Variants in DNAJC11 observed in about 807,000 individuals in gnomAD.
DNAJC11 encodes the protein DnaJ heat shock protein family (Hsp40) member C11, also known as dnaJ homolog subfamily C member 11.
In DNAJC11, 15 loss-of-function variants were observed where a neutral mutation model predicts 78.6. That is an observed-to-expected ratio of 0.19 (90% CI 0.13 to 0.29). DNAJC11 has a LOEUF of 0.29. Ranked by LOEUF, DNAJC11 falls within the 10% of genes least tolerant of loss-of-function variation. The pLI is 1.00. For synonymous variants in DNAJC11, 292 were observed against 272.1 expected (o/e 1.07, Z -0.72); for missense variants, 547 against 709.6 (o/e 0.77, Z 2.60).
intron 1 of DNAJC11, among the ~76,000 whole-genome samples, chr1:6,684,130 G>A (rs1209802972): frequency 6.6e-6 from 1 of 151,270 alleles, no homozygotes; most frequent in African/African-American, 2.4e-5. Flanking sequence ...ACCCAGGCTG[G>A]AGTGCAGTGC....
intron 3 of DNAJC11, among the ~76,000 whole-genome samples, chr1:6,668,793 A>G (rs1288053671): frequency 2.6e-5 from 4 of 152,116 alleles, no homozygotes; most frequent in Non-Finnish European, 5.9e-5. Context: ...TGAACCTTAG[A>G]ATGTGGGCTG....
rs1230558183 is a variant in DNAJC11 at position 6,638,316 on chromosome 1, C to T, written c.1302G>A (p.Lys434=). 3.1e-6 allele frequency: 5 copies of T among 1,613,466 alleles called. No homozygotes were observed. Among genetic ancestry groups the T allele is most frequent in the Non-Finnish European group, 4.2e-6 (5 of 1,179,592 alleles). The part of the protein sequence containing the change: ...RESAATDVLQ[K]KQEAESAVRL... ...TCACAGCGGACTCCGCCTCTTGCTTCTTCTGCAGCACATCGGTGGCGGCGC... is the reference window on the plus strand; with the variant it reads ...TCACAGCGGACTCCGCCTCTTGCTTTTTCTGCAGCACATCGGTGGCGGCGC... The change falls in exon 12 of 16, where the codon AAG becomes AAA. Residue 434 remains lysine, a synonymous_variant. Coordinates refer to ENST00000377577, the MANE Select transcript of DNAJC11 (RefSeq NM_018198.4).
chr1:6,668,995 T>A (rs533034551), intron 3 of DNAJC11, among the ~76,000 whole-genome samples: 1 of 151,800 alleles, frequency 6.6e-6, no homozygotes, highest in Non-Finnish European at 1.5e-5. Flanking sequence ...AAGACCAACC[T>A]GGCCAACATG....
intron 4 of DNAJC11, among the ~76,000 whole-genome samples, chr1:6,661,669 C>T (rs538544877): frequency 2.0e-5 from 3 of 152,270 alleles, no homozygotes; most frequent in East Asian, 3.9e-4. Context: ...CGGTAAATTG[C>T]CCCTTCCTGC....
chr1:6,694,762 G>A (rs916004393), intron 1 of DNAJC11, among the ~76,000 whole-genome samples: 13 of 149,646 alleles, frequency 8.7e-5, no homozygotes, highest in African/African-American at 3.2e-4. Flanking sequence ...TCAGGAGATC[G>A]AGACCATCCT....
chr1:6,636,974 G>A (rs534386800), intron 14 of DNAJC11, among the ~76,000 whole-genome samples: 85 of 152,242 alleles, frequency 5.6e-4, no homozygotes, highest in African/African-American at 2.0e-3. Flanking sequence ...TCAGCCTCCC[G>A]AACAGCTGGG....
chr1:6,638,415 C>T, intron 11 of DNAJC11, 51 bp from the exon 12 acceptor site: 1 of 1,571,882 alleles, frequency 6.4e-7, no homozygotes, highest in Non-Finnish European at 8.7e-7. Flanking sequence ...TGCCCAGCTT[C>T]CAGCCAACAC....
intron 13 of DNAJC11, 40 bp from the exon 14 acceptor site, chr1:6,637,380 C>G: frequency 6.2e-7 from 1 of 1,614,194 alleles, no homozygotes; most frequent in East Asian, 2.2e-5. Context: ...CTCCTCCAGG[C>G]ACCTCCTTGT....
At chr1:6,654,404 G>A (rs1032996716) in intron 4 of DNAJC11, 14 of 161,064 alleles carry the variant, frequency 8.7e-5, no homozygotes, top group African/African-American at 3.4e-4. Context: ...CTAGAAATGA[G>A]CTACATGGAT....
chr1:6,634,853 G>A lies in DNAJC11; in HGVS notation c.*822C>T. The A allele has an allele frequency of 8.1e-7, 1 of 1,233,738 alleles. No homozygotes were observed. The highest frequency in any genetic ancestry group is 1.0e-6 in the Non-Finnish European group (1 of 952,934). The allele number at this position is 1,233,738 out of a possible 1,614,324, so 76.4% of individuals were successfully genotyped here. ...TTGGGTGTGTCTGATGTCTTGCCAA[G>A]CGCCTGGTCCTGTCCTCTTGAGCTG... On this transcript the variant is annotated 3_prime_UTR_variant, in exon 16 of 16. Coordinates refer to ENST00000377577, the MANE Select transcript of DNAJC11 (RefSeq NM_018198.4).
chr1:6,646,105 T>G, intron 7 of DNAJC11, 127 bp from the exon 8 acceptor site: 1 of 741,556 alleles, frequency 1.3e-6, no homozygotes, highest in South Asian at 2.3e-5. Context: ...CAGCTCCCAG[T>G]AAAAAAAAAA....
chr1:6,650,767 G>A (rs542914095), intron 7 of DNAJC11, among the ~76,000 whole-genome samples: 6 of 152,262 alleles, frequency 3.9e-5, no homozygotes, highest in African/African-American at 1.4e-4. Context: ...CAGCTACTCG[G>A]AAGGTTGAGA....
intron 12 of DNAJC11, 163 bp from the exon 13 acceptor site, chr1:6,637,667 C>T (rs1332179651): frequency 2.7e-6 from 2 of 740,422 alleles, no homozygotes; most frequent in Non-Finnish European, 4.5e-6. Context: ...GAGTGGCTCA[C>T]TCTGAAACTC....
chr1:6,679,623 C>T (rs1642524923), intron 2 of DNAJC11, among the ~76,000 whole-genome samples: 1 of 152,198 alleles, frequency 6.6e-6, no homozygotes, highest in Non-Finnish European at 1.5e-5. Context: ...GAAATGCTGG[C>T]CCCTGGAAAA....
At chr1:6,692,522 T>C (rs570733789) in intron 1 of DNAJC11, among the ~76,000 whole-genome samples, 1 of 151,838 alleles carries the variant, frequency 6.6e-6, no homozygotes, top group South Asian at 2.1e-4. Context: ...ATGTCAACTT[T>C]CCAGGAAGCA....
intron 3 of DNAJC11, among the ~76,000 whole-genome samples, chr1:6,676,360 T>C (rs1478706358): frequency 2.0e-5 from 3 of 152,064 alleles, no homozygotes; most frequent in Non-Finnish European, 4.4e-5. Context: ...TGTTAGCAAC[T>C]AGAATTCACT....
chr1:6,646,695 C>T (rs888624181), intron 7 of DNAJC11, among the ~76,000 whole-genome samples: 2 of 152,142 alleles, frequency 1.3e-5, no homozygotes, highest in African/African-American at 4.8e-5. Context: ...AGTCCAGCCC[C>T]ATCTTCTGGT....
intron 1 of DNAJC11, among the ~76,000 whole-genome samples, chr1:6,682,210 C>T (rs970967190): frequency 8.7e-5 from 13 of 149,332 alleles, no homozygotes; most frequent in Non-Finnish European, 1.5e-4. Context: ...GTTACTTCCA[C>T]AATTTTTCAA....
intron 3 of DNAJC11, among the ~76,000 whole-genome samples, chr1:6,669,956 A>T (rs139472648): frequency 0.059 from 8,603 of 145,462 alleles, 569 homozygotes; most frequent in Admixed American, 0.21. Context: ...TCAAAAAATA[A>T]TTTTTTTTTT....
Sources: gnomAD v4.1 joint callset for allele counts (sites outside exome capture counted in the v4.1 genomes callset) on GRCh38, gnomAD v4.1.1 for gene constraint, MANE v1.5 for transcripts, NCBI Gene and HGNC (gene_info 2026-07-23, HGNC 2026-07-21) for gene names.